The following NFIB variants were observed in gnomAD, a reference collection of about 807,000 sequenced individuals.
NFIB encodes nuclear factor I B.
NFIB carries 11 observed loss-of-function variants against 61.5 expected under a neutral mutation model. The observed-to-expected ratio is 0.18, with a 90% confidence interval of 0.11 to 0.30. The LOEUF (loss-of-function observed/expected upper bound fraction) is 0.30, where lower values mean the gene tolerates loss of function less well. Among genes scored for constraint, NFIB ranks in the 10% least tolerant of loss-of-function variants. NFIB has a pLI of 1.00. For synonymous variants in NFIB, 260 were observed against 216.5 expected (o/e 1.20, Z -1.76); for missense variants, 471 against 608.9 (o/e 0.77, Z 2.38).
intron 1 of NFIB, among the ~76,000 whole-genome samples, chr9:14,338,304 G>A (rs2060908148): frequency 1.3e-5 from 2 of 152,150 alleles, no homozygotes; most frequent in African/African-American, 4.8e-5. Flanking sequence ...TGAGGCAGGA[G>A]AATGGCGTGA....
At chr9:14,114,276 C>T (rs10810091) in intron 9 of NFIB, among the ~76,000 whole-genome samples, 62 of 152,264 alleles carry the variant, frequency 4.1e-4, no homozygotes, top group African/African-American at 1.5e-3. Context: ...CAACCAGTGA[C>T]CCCTACTCAA....
chr9:14,289,399 T>C (rs140806196), intron 2 of NFIB, among the ~76,000 whole-genome samples: 3,930 of 151,762 alleles, frequency 0.026, 160 homozygotes, highest in African/African-American at 0.088. Context: ...TAAGAACTTA[T>C]GTTCACTTTT....
intron 2 of NFIB, among the ~76,000 whole-genome samples, chr9:14,279,033 G>A (rs1471205349): frequency 6.6e-6 from 1 of 152,112 alleles, no homozygotes; most frequent in Non-Finnish European, 1.5e-5. Context: ...ATTTTAGTGA[G>A]GTAGGGAGAA....
intron 2 of NFIB, among the ~76,000 whole-genome samples, chr9:14,185,867 G>GAT (rs1376021213): frequency 1.3e-5 from 2 of 152,080 alleles, no homozygotes; most frequent in Non-Finnish European, 2.9e-5. Context: ...AGATAGGGTG[G>GAT]ATAAGACATA....
intron 6 of NFIB, among the ~76,000 whole-genome samples, chr9:14,130,722 G>A (rs1217316230): frequency 1.3e-5 from 2 of 152,052 alleles, no homozygotes; most frequent in African/African-American, 4.8e-5. Context: ...AGGTAAAGCA[G>A]GCACCGTGTC....
At chr9:14,395,726 CTTTTTTTT>C (rs35417792) in intron 1 of NFIB, among the ~76,000 whole-genome samples, 33 of 65,756 alleles carry the variant, frequency 5.0e-4, no homozygotes, top group African/African-American at 1.6e-3. Flanking sequence ...ATTCTTTTGA[CTTTTTTTT>C]TTTTTTTTTT....
intron 10 of NFIB, among the ~76,000 whole-genome samples, chr9:14,112,560 C>G (rs1304690369): frequency 6.6e-6 from 1 of 152,142 alleles, no homozygotes; most frequent in East Asian, 1.9e-4. Context: ...CGTAACTCAT[C>G]GTCTTGGACT....
chr9:14,276,866 CT>C, intron 2 of NFIB, among the ~76,000 whole-genome samples: 1 of 151,842 alleles, frequency 6.6e-6, no homozygotes, highest in South Asian at 2.1e-4. Flanking sequence ...AGATTATGTG[CT>C]TTTTTAAAAA....
the NFIB span, among the ~76,000 whole-genome samples, chr9:14,477,283 AG>A: frequency 7.9e-5 from 12 of 152,252 alleles, no homozygotes; most frequent in Middle Eastern, 3.2e-3. Context: ...GATTAAAAAA[AG>A]AAAATAATAA....
chr9:14,320,811 A>C (rs1420178345), intron 1 of NFIB, among the ~76,000 whole-genome samples: 1 of 152,196 alleles, frequency 6.6e-6, no homozygotes, highest in Non-Finnish European at 1.5e-5. Flanking sequence ...TGTGGGATCA[A>C]AAGTTAACTT....
the NFIB span, among the ~76,000 whole-genome samples, chr9:14,440,301 GCC>G: frequency 6.6e-6 from 1 of 152,110 alleles, no homozygotes. Context: ...TATTGAATTG[GCC>G]TGGGTGTGAT....
chr9:14,440,382 T>C, the NFIB span, among the ~76,000 whole-genome samples: 1 of 152,206 alleles, frequency 6.6e-6, no homozygotes. Flanking sequence ...AAGGGCTCTT[T>C]AATTGGCCTA....
intron 3 of NFIB, among the ~76,000 whole-genome samples, chr9:14,158,127 C>T (rs139558019): frequency 6.9e-6 from 1 of 145,728 alleles, no homozygotes; most frequent in African/African-American, 2.5e-5. Context: ...AAAAAAAAAA[C>T]AAAACAAAAC....
rs2132753204 is a variant in NFIB, at chr9:14,313,099, G to T, written c.30+383C>A. ...TTAGTCCCCCGTAAAGTCCTCCAAA[G>T]CCCGAGTCCACCTCAACGCGCGAGC... On this transcript the variant is annotated intron_variant, in intron 1 of 10. Coordinates refer to ENST00000380953, the MANE Select transcript of NFIB (RefSeq NM_001190737.2). This position sits in a 1 kb window ranked among gnomAD's most constrained non-coding sequence, Gnocchi z 4.5. 6.6e-6 allele frequency among the ~76,000 whole-genome samples: 1 copy of T among 152,320 alleles called. No homozygotes were observed. Among genetic ancestry groups the T allele is most frequent in the South Asian group, 2.1e-4 (1 of 4,828 alleles).
chr9:14,424,864 A>G, the NFIB span, among the ~76,000 whole-genome samples: 1 of 152,212 alleles, frequency 6.6e-6, no homozygotes, highest in African/African-American at 2.4e-5. Context: ...AGGGACATCT[A>G]GGCAAGAAGA....
At chr9:14,405,190 A>AAATGTTGATGCCC in the NFIB span, among the ~76,000 whole-genome samples, 10 of 152,314 alleles carry the variant, frequency 6.6e-5, no homozygotes, top group African/African-American at 2.4e-4. Context: ...TCTAACCTTG[A>AAATGTTGATGCCC]AGTCACATTT....
the NFIB span, among the ~76,000 whole-genome samples, chr9:14,433,988 T>C: frequency 6.6e-6 from 1 of 151,996 alleles, no homozygotes; most frequent in Non-Finnish European, 1.5e-5. Flanking sequence ...CAACGCAGAG[T>C]ACTAACCACT....
At chr9:14,393,095 T>A (rs1332873287) in intron 1 of NFIB, among the ~76,000 whole-genome samples, 4 of 152,166 alleles carry the variant, frequency 2.6e-5, no homozygotes, top group Non-Finnish European at 4.4e-5. Context: ...AGGAATGAAT[T>A]GTATTATGCC....
chr9:14,483,772 G>A, the NFIB span, among the ~76,000 whole-genome samples: 3 of 152,154 alleles, frequency 2.0e-5, no homozygotes, highest in African/African-American at 7.2e-5. Flanking sequence ...CAACAATAAT[G>A]CACAGGTGCA....
Sources: allele counts gnomAD v4.1 joint callset (sites outside exome capture counted in the v4.1 genomes callset), GRCh38; gene constraint gnomAD v4.1.1; non-coding constraint Gnocchi (gnomAD v3.1); transcripts MANE v1.5; gene names NCBI Gene and HGNC (gene_info 2026-07-23, HGNC 2026-07-21).